TMEM225B: variants seen among roughly 807,000 people sequenced by gnomAD.
The protein encoded by TMEM225B is transmembrane protein 225-like.
Under a neutral mutation model 16.9 loss-of-function variants are expected in TMEM225B, and 10 were observed. The observed-to-expected ratio is 0.59, with a 90% CI of 0.36 to 1.00. The LOEUF is 1.00. Among genes scored for constraint, TMEM225B ranks in the 50% least tolerant of loss-of-function variants. The pLI, the probability that TMEM225B is intolerant of heterozygous loss-of-function variation, is 0.01. For missense variants in TMEM225B, 217 were observed against 267.0 expected, an observed-to-expected ratio of 0.81 and a Z score of 1.30; for synonymous variants, 92 against 109.8, an observed-to-expected ratio of 0.84 and a Z score of 1.01.
At chr7:99,607,642 A>G (rs2151215920) in intron 4 of TMEM225B, 31 bp from the exon 5 acceptor site, 1 of 1,523,330 alleles carries the variant, frequency 6.6e-7, no homozygotes, top group Admixed American at 2.0e-5. Flanking sequence ...GCATGGGAGG[A>G]GACCGAGGGT....
Position 99,604,614 on chromosome 7 carries a change from C to T in TMEM225B, c.208+18C>T, listed in dbSNP as rs757449792. ...CTTATCCAGTAAGGAGGGATGGAGG[C>T]GGGGAGGAGAGAGAGGGAGATGGGG... On this transcript the variant is annotated intron_variant, in intron 3 of 5. Coordinates refer to ENST00000431679, the MANE Select transcript of TMEM225B (RefSeq NM_001195541.3). 1.0e-5 allele frequency: 16 copies of T among 1,526,482 alleles called. No individual in the cohort carries two copies. The highest frequency in any genetic ancestry group is 7.2e-5 in the South Asian group (6 of 83,780). 94.6% of individuals were successfully genotyped at this position (1,526,482 alleles called of 1,614,324 possible).
chr7:99,601,079 C>T (rs922110568), intron 2 of TMEM225B, among the ~76,000 whole-genome samples: 10 of 152,048 alleles, frequency 6.6e-5, no homozygotes, highest in African/African-American at 2.4e-4. Context: ...AGAGGTGCCC[C>T]CTATCAAATG....
In TMEM225B at chr7:99,606,886, T is replaced by G; in HGVS notation, c.347T>G (p.Phe116Cys). 6.5e-7 allele frequency: 1 copy of G among 1,536,180 alleles called. No individual in the cohort carries two copies. ...AACTTTGTGTTAGCCTGCATCAGCT[T>G]CTTCACAGGTGTGGAACAGCTAGGT... is the stretch of plus-strand genomic sequence containing the variant. ...KQNFVLACIS[F>C]FTGACAFLAL... Residue 116 changes from phenylalanine (F) to cysteine (C), a missense_variant, in exon 4 of 6, where the codon TTC (phenylalanine) becomes TGC (cysteine). By Grantham distance (205) the Phe-to-Cys change is radical. Transcript: ENST00000431679.
At position 99,598,328 on chromosome 7, in the gene TMEM225B, G is replaced by T. The variant is rs546743533; in HGVS notation, c.-138G>T. ...GAGGGCGAGGGTCCCACCGTGACCC[G>T]CCTGGAGGGCAGCCCAGCTCTGGGA... On this transcript the variant is annotated 5_prime_UTR_variant, in exon 1 of 6. Transcript: ENST00000431679. 2.0e-5 allele frequency: 3 copies of T among 152,570 alleles called. No homozygotes were observed. The South Asian group carries it at 6.2e-4, about 32-fold the overall frequency. 9.5% of individuals were successfully genotyped at this position (152,570 alleles called of 1,614,324 possible).
Position 99,607,770 on chromosome 7 carries a change from C to T in TMEM225B, c.453C>T (p.Tyr151=), listed in dbSNP as rs746700960. Residue 151 remains tyrosine, a synonymous_variant, in exon 5 of 6, where the codon TAC becomes TAT. Transcript: ENST00000431679. Reference sequence around the variant, plus strand: ...TGCAGTTCTCCGTGCTGTGGCCTTACTACGTGCTGGGCTTCGGCATCTTTC... The same window carrying T: ...TGCAGTTCTCCGTGCTGTGGCCTTATTACGTGCTGGGCTTCGGCATCTTTC... The part of the protein sequence containing the change: ...GPLQFSVLWP[Y]YVLGFGIFLF... 4 of 1,536,118 alleles carry T rather than the reference C, an allele frequency of 2.6e-6. No individual in the cohort carries two copies. The highest frequency in any genetic ancestry group is 3.5e-6 in the Non-Finnish European group (4 of 1,146,900).
At chr7:99,598,200 C>T (rs937902124), upstream of TMEM225B, 2 of 152,292 alleles carry the variant, frequency 1.3e-5, no homozygotes, top group African/African-American at 4.8e-5. Flanking sequence ...GAGCTCCGCT[C>T]AGAGGCCCAG....
chr7:99,607,583 G>C, intron 4 of TMEM225B, 90 bp from the exon 5 acceptor site: 1 of 1,319,752 alleles, frequency 7.6e-7, no homozygotes, highest in Non-Finnish European at 1.0e-6. Flanking sequence ...GGATGAAGGA[G>C]CCTCCAGGCA....
At chr7:99,601,764 G>T (rs1383478424) in intron 2 of TMEM225B, among the ~76,000 whole-genome samples, 1 of 152,184 alleles carries the variant, frequency 6.6e-6, no homozygotes. Context: ...TCTGCCCTCT[G>T]CCATTAGGCT....
In TMEM225B at chr7:99,600,198, T is replaced by C; in HGVS notation, c.-84-7T>C. On this transcript the variant is annotated splice_polypyrimidine_tract_variant and splice_region_variant and intron_variant, in intron 1 of 5. Transcript: ENST00000431679. ...CACATGATGTGTTTCTGTGTCTCTC[T>C]CCCTAGCAGTTCCAAGAGCCTCTGA... 1.4e-6 allele frequency: 1 copy of C among 702,970 alleles called. No homozygotes were observed. The highest frequency in any genetic ancestry group is 1.5e-5 in the South Asian group (1 of 67,602). 43.5% of individuals were successfully genotyped at this position (702,970 alleles called of 1,614,324 possible). A position where few individuals can be genotyped will look rare whatever the true frequency, so the allele number is the denominator to read the frequency against.
intron 5 of TMEM225B, among the ~76,000 whole-genome samples, chr7:99,610,179 G>C (rs189766030): frequency 6.6e-6 from 1 of 151,976 alleles, no homozygotes; most frequent in Admixed American, 6.6e-5. Context: ...TGATTGCTGA[G>C]ATGTCTTCTA....
intron 2 of TMEM225B, 83 bp downstream of exon 2, chr7:99,600,368 G>T: frequency 1.4e-6 from 1 of 692,800 alleles, no homozygotes; most frequent in Non-Finnish European, 2.6e-6. Flanking sequence ...CTTTTCAGGG[G>T]AGTGGGGTTT....
chr7:99,610,307 C>A (rs1806239647), intron 5 of TMEM225B, 86 bp from the exon 6 acceptor site: 1 of 945,590 alleles, frequency 1.1e-6, no homozygotes. Flanking sequence ...TGAGGGAGGG[C>A]AGCTCTGGAG....
At chr7:99,607,016 C>A in intron 4 of TMEM225B, 122 bp downstream of exon 4, 1 of 1,082,316 alleles carries the variant, frequency 9.2e-7, no homozygotes, top group Non-Finnish European at 1.3e-6. Context: ...GGGACAGGGT[C>A]TCACTCTGTT....
chr7:99,606,377 G>A (rs575054620), intron 3 of TMEM225B, among the ~76,000 whole-genome samples: 1 of 152,316 alleles, frequency 6.6e-6, no homozygotes, highest in East Asian at 1.9e-4. Flanking sequence ...TGAGGCAGGA[G>A]GATTGCTTGA....
At chr7:99,604,304 C>G in intron 2 of TMEM225B, 82 bp from the exon 3 acceptor site, 1 of 886,362 alleles carries the variant, frequency 1.1e-6, no homozygotes, top group South Asian at 1.5e-5. Flanking sequence ...TGACATTTCC[C>G]CAGCCACTGT....
chr7:99,608,858 T>TATATATATATATATATATACGCAC (rs536627768), intron 5 of TMEM225B, among the ~76,000 whole-genome samples: 1 of 144,388 alleles, frequency 6.9e-6, no homozygotes, highest in African/African-American at 2.8e-5. Context: ...TATATATATA[T>TATATATATATATATATATACGCAC]ACACACACAC....
rs1471153610 is a variant in TMEM225B, at chr7:99,606,666, C to T, written c.209-82C>T. ...TAAGGGTGGTGGAGGCTCCGGGGGC[C>T]AGCCCTGCCCAGGCTCTGAGGGACT... On this transcript the variant is annotated intron_variant, in intron 3 of 5. Coordinates refer to ENST00000431679, the MANE Select transcript of TMEM225B (RefSeq NM_001195541.3). 16 of 1,369,538 alleles carry T rather than the reference C, an allele frequency of 1.2e-5. No individual in the cohort carries two copies. In the Admixed American group the frequency reaches 3.6e-4, roughly 31 times the overall value. 84.8% of individuals were successfully genotyped at this position (1,369,538 alleles called of 1,614,324 possible).
rs1309656032 is a variant in TMEM225B at position 99,600,203 on chromosome 7, A to G, written c.-84-2A>G. The stretch of plus-strand genomic sequence containing the variant: ...GATGTGTTTCTGTGTCTCTCTCCCT[A>G]GCAGTTCCAAGAGCCTCTGAGTTCC... On this transcript the variant is annotated splice_acceptor_variant, in intron 1 of 5. Transcript: ENST00000431679. LOFTEE classifies it low-confidence loss of function (5UTR_SPLICE). 2 of 702,982 alleles carry G rather than the reference A, an allele frequency of 2.8e-6. No individual in the cohort carries two copies. The highest frequency in any genetic ancestry group is 2.7e-5 in the East Asian group (1 of 37,288). The allele number at this position is 702,982 out of a possible 1,614,324, so 43.5% of individuals were successfully genotyped here.
chr7:99,603,766 T>G (rs566065057), intron 2 of TMEM225B, among the ~76,000 whole-genome samples: 7 of 151,774 alleles, frequency 4.6e-5, no homozygotes, highest in Middle Eastern at 3.4e-3. Context: ...TAATTTTTTT[T>G]TTTGTTTTTT....
Sources: gnomAD v4.1 joint callset for allele counts (sites outside exome capture counted in the v4.1 genomes callset) on GRCh38, gnomAD v4.1.1 for gene constraint, MANE v1.5 for transcripts, NCBI Gene and HGNC (gene_info 2026-07-23, HGNC 2026-07-21) for gene names.